The following MRTFA variants were observed in gnomAD, a reference collection of about 807,000 sequenced individuals.
MRTFA encodes the protein myocardin-related transcription factor A.
In MRTFA, 20 loss-of-function variants were observed where a neutral mutation model predicts 83.5. That is an observed-to-expected ratio of 0.24 (90% CI 0.17 to 0.35). The LOEUF is 0.35. MRTFA is among the 10% of genes least tolerant of loss of function. The pLI is 1.00. For missense variants in MRTFA, 1,200 were observed against 1,224.7 expected (o/e 0.98, Z 0.30); for synonymous variants, 659 against 541.2 (o/e 1.22, Z -3.02).
At chr22:40,573,980 G>T (rs769031161) in intron 2 of MRTFA, among the ~76,000 whole-genome samples, 10 of 151,828 alleles carry the variant, frequency 6.6e-5, no homozygotes, top group Non-Finnish European at 1.5e-4. Flanking sequence ...GAATTCATGG[G>T]CTCAAACAAT....
At chr22:40,458,554 G>A (rs1169709889) in intron 4 of MRTFA, among the ~76,000 whole-genome samples, 2 of 152,222 alleles carry the variant, frequency 1.3e-5, no homozygotes, top group East Asian at 3.8e-4. Context: ...AGGACTGACA[G>A]CCAGTCCTAC....
chr22:40,583,314 C>T (rs1441552341), intron 2 of MRTFA, among the ~76,000 whole-genome samples: 3 of 152,146 alleles, frequency 2.0e-5, no homozygotes, highest in Non-Finnish European at 4.4e-5. Context: ...AGCTCACAAA[C>T]TAGGCAGTCA....
intron 1 of MRTFA, among the ~76,000 whole-genome samples, chr22:40,623,276 G>C (rs1241028288): frequency 2.0e-5 from 3 of 151,958 alleles, no homozygotes; most frequent in African/African-American, 7.2e-5. Context: ...ATGTAACACG[G>C]TGATTGATTC....
chr22:40,585,513 T>C (rs1217069659), intron 2 of MRTFA, among the ~76,000 whole-genome samples: 1 of 152,160 alleles, frequency 6.6e-6, no homozygotes, highest in Non-Finnish European at 1.5e-5. Context: ...CATAACATTA[T>C]GAATGTATAT....
chr22:40,424,411 C>G, intron 7 of MRTFA, 30 bp from the exon 8 acceptor site: 1 of 1,608,684 alleles, frequency 6.2e-7, no homozygotes, highest in Non-Finnish European at 8.5e-7. Flanking sequence ...TGAGATTCCA[C>G]TTCCAGCCCA....
intron 4 of MRTFA, among the ~76,000 whole-genome samples, chr22:40,455,991 G>A (rs537059482): frequency 6.6e-6 from 1 of 151,960 alleles, no homozygotes; most frequent in Non-Finnish European, 1.5e-5. Context: ...GTTAATTTTT[G>A]TGTGTGTGTA....
intron 3 of MRTFA, among the ~76,000 whole-genome samples, chr22:40,499,913 CCTTT>C (rs1419758274): frequency 1.6e-5 from 2 of 127,532 alleles, no homozygotes; most frequent in South Asian, 4.8e-4. Context: ...TTCAAGTAGA[CCTTT>C]TTTTTTTTTT....
intron 3 of MRTFA, among the ~76,000 whole-genome samples, chr22:40,480,743 CTTTTTTTTTTTT>C (rs758150714): frequency 1.1e-5 from 1 of 93,542 alleles, no homozygotes; most frequent in South Asian, 3.2e-4. Context: ...GAGTTCAAGA[CTTTTTTTTTTTT>C]TTTTTTTTTT....
At chr22:40,493,234 A>G (rs774388341) in intron 3 of MRTFA, among the ~76,000 whole-genome samples, 4 of 152,202 alleles carry the variant, frequency 2.6e-5, no homozygotes, top group Non-Finnish European at 5.9e-5. Context: ...CAGAAGGGGG[A>G]AGATATTAAG....
chr22:40,502,527 G>C (rs1310610591), intron 3 of MRTFA, among the ~76,000 whole-genome samples: 1 of 142,940 alleles, frequency 7.0e-6, no homozygotes, highest in Non-Finnish European at 1.5e-5. Context: ...TCACTTCCTA[G>C]ATGGGATGGC....
chr22:40,539,994 C>G (rs960882348), intron 3 of MRTFA, among the ~76,000 whole-genome samples: 1 of 149,906 alleles, frequency 6.7e-6, no homozygotes, highest in Non-Finnish European at 1.5e-5. Context: ...ACTGCAGCCT[C>G]GACCTCCCAG....
intron 1 of MRTFA, among the ~76,000 whole-genome samples, chr22:40,632,783 C>T (rs976979785): frequency 2.6e-5 from 4 of 152,130 alleles, no homozygotes; most frequent in Non-Finnish European, 5.9e-5. Flanking sequence ...CTCAGCCAAG[C>T]TGATTCCAAA....
chr22:40,429,512 T>A (rs773961045), intron 7 of MRTFA, 94 bp downstream of exon 7: 3 of 1,450,534 alleles, frequency 2.1e-6, no homozygotes, highest in Non-Finnish European at 1.9e-6. Context: ...GATTAAGAAG[T>A]CAAGAGCCTC....
At chr22:40,454,759 ACTCT>A (rs1320470633) in intron 4 of MRTFA, among the ~76,000 whole-genome samples, 1 of 151,614 alleles carries the variant, frequency 6.6e-6, no homozygotes, top group Non-Finnish European at 1.5e-5. Flanking sequence ...AAGGTCTAAG[ACTCT>A]CTTTCTTTTG....
At chr22:40,596,818 AC>A (rs375385606) in intron 1 of MRTFA, among the ~76,000 whole-genome samples, 19 of 151,940 alleles carry the variant, frequency 1.3e-4, no homozygotes, top group Middle Eastern at 6.8e-3. Context: ...AACAACAACA[AC>A]AAAAAAATAG....
chr22:40,616,733 T>C (rs1440061624), intron 1 of MRTFA, among the ~76,000 whole-genome samples: 1 of 152,004 alleles, frequency 6.6e-6, no homozygotes, highest in East Asian at 1.9e-4. Flanking sequence ...GGATTAAGAG[T>C]TCACTTTGGA....
Position 40,569,024 on chromosome 22 carries a change from G to A in MRTFA, c.-21-16657C>T, listed in dbSNP as rs182525623. 7.9e-5 allele frequency among the ~76,000 whole-genome samples: 12 copies of A among 152,166 alleles called. No individual in the cohort carries two copies. In the South Asian group the frequency reaches 8.3e-4, roughly 11 times the overall value. On this transcript the variant is annotated intron_variant, in intron 2 of 14. Coordinates refer to ENST00000355630, the MANE Select transcript of MRTFA (RefSeq NM_020831.6). ...ACCTGAATGTAATAACTCAGATGTC[G>A]CATATAACATGAAAAAAATAATACA...
intron 3 of MRTFA, among the ~76,000 whole-genome samples, chr22:40,511,898 T>G (rs2147243037): frequency 6.6e-6 from 1 of 152,332 alleles, no homozygotes; most frequent in South Asian, 2.1e-4. Flanking sequence ...CTGAACTGTG[T>G]TATCCAGCCT....
At chr22:40,591,955 A>C (rs1377756379) in intron 2 of MRTFA, among the ~76,000 whole-genome samples, 1 of 152,188 alleles carries the variant, frequency 6.6e-6, no homozygotes, top group African/African-American at 2.4e-5. Context: ...AGATATATGC[A>C]CAAGTCCAAA....
Sources: gnomAD v4.1 joint callset for allele counts (sites outside exome capture counted in the v4.1 genomes callset) on GRCh38, gnomAD v4.1.1 for gene constraint, MANE v1.5 for transcripts, NCBI Gene and HGNC (gene_info 2026-07-23, HGNC 2026-07-21) for gene names.